The following ATG5 variants were observed in gnomAD, a reference collection of about 807,000 sequenced individuals.
ATG5 encodes the protein autophagy protein 5.
ATG5 carries 14 observed loss-of-function variants against 36.5 expected under a neutral mutation model. The observed-to-expected ratio is 0.38, with a 90% CI of 0.25 to 0.60. The LOEUF (loss-of-function observed/expected upper bound fraction) is 0.60. Among genes scored for constraint, ATG5 ranks in the 20% least tolerant of loss-of-function variants. The pLI is 0.60. For missense variants in ATG5, 195 were observed against 326.7 expected (o/e 0.60, Z 3.11); for synonymous variants, 95 against 101.5 (o/e 0.94, Z 0.38).
At chr6:106,272,766 G>A (rs1022225952) in intron 5 of ATG5, among the ~76,000 whole-genome samples, 3 of 152,272 alleles carry the variant, frequency 2.0e-5, no homozygotes, top group South Asian at 2.1e-4. Context: ...ACTACGGTCC[G>A]GGCATGATTC....
intron 6 of ATG5, among the ~76,000 whole-genome samples, chr6:106,222,151 G>C (rs181597003): frequency 3.3e-5 from 5 of 152,134 alleles, no homozygotes; most frequent in African/African-American, 1.2e-4. Context: ...AGGATTACAT[G>C]CGTGAGCCAC....
chr6:106,243,075 G>A (rs1001507183), intron 6 of ATG5, among the ~76,000 whole-genome samples: 7 of 152,070 alleles, frequency 4.6e-5, no homozygotes, highest in African/African-American at 1.7e-4. Context: ...TGACATCCTA[G>A]TTTCCATTTT....
intron 6 of ATG5, among the ~76,000 whole-genome samples, chr6:106,246,265 C>A (rs1778325335): frequency 6.6e-6 from 1 of 151,972 alleles, no homozygotes; most frequent in Admixed American, 6.6e-5. Flanking sequence ...TGCCGAGAGT[C>A]CCCATCTGGC....
At chr6:106,322,049 C>T (rs1406047150) in intron 1 of ATG5, among the ~76,000 whole-genome samples, 1 of 152,172 alleles carries the variant, frequency 6.6e-6, no homozygotes, top group Non-Finnish European at 1.5e-5. Flanking sequence ...CTCCTACATA[C>T]ACTACACCAT....
intron 5 of ATG5, among the ~76,000 whole-genome samples, chr6:106,262,026 C>A (rs1180748104): frequency 6.6e-6 from 1 of 152,192 alleles, no homozygotes; most frequent in Non-Finnish European, 1.5e-5. Context: ...TGAGTCAAAA[C>A]CTTCTGGAAG....
intron 3 of ATG5, among the ~76,000 whole-genome samples, chr6:106,296,725 G>C (rs1769957523): frequency 6.6e-6 from 1 of 152,216 alleles, no homozygotes; most frequent in Non-Finnish European, 1.5e-5. Context: ...GGCTGAGACA[G>C]GTGAATTACT....
chr6:106,211,099 C>T (rs915216380), intron 6 of ATG5, among the ~76,000 whole-genome samples: 1 of 152,048 alleles, frequency 6.6e-6, no homozygotes, highest in African/African-American at 2.4e-5. Context: ...TTAAAAATGA[C>T]CATTTATGGC....
At chr6:106,270,743 G>C (rs954153931) in intron 5 of ATG5, among the ~76,000 whole-genome samples, 1 of 152,104 alleles carries the variant, frequency 6.6e-6, no homozygotes, top group Non-Finnish European at 1.5e-5. Context: ...TAGCCTCCAA[G>C]ATGGCCTCTC....
intron 6 of ATG5, among the ~76,000 whole-genome samples, chr6:106,203,842 A>G (rs1160294728): frequency 6.6e-6 from 1 of 152,198 alleles, no homozygotes; most frequent in Non-Finnish European, 1.5e-5. Context: ...GGCATTAGCG[A>G]CAAGGTTTTG....
At chr6:106,306,429 T>C (rs1770449627) in intron 3 of ATG5, among the ~76,000 whole-genome samples, 1 of 152,224 alleles carries the variant, frequency 6.6e-6, no homozygotes, top group Non-Finnish European at 1.5e-5. Flanking sequence ...CGGTTCTGCC[T>C]CCATTCAGGG....
intron 4 of ATG5, among the ~76,000 whole-genome samples, chr6:106,284,558 T>C (rs1358421092): frequency 1.3e-5 from 2 of 152,092 alleles, no homozygotes; most frequent in Non-Finnish European, 2.9e-5. Flanking sequence ...TCTCGTTATG[T>C]TGACCACACT....
intron 6 of ATG5, among the ~76,000 whole-genome samples, chr6:106,225,484 A>T (rs1442825800): frequency 1.3e-5 from 2 of 151,270 alleles, no homozygotes; most frequent in Non-Finnish European, 2.9e-5. Context: ...TACATTTTTT[A>T]AAACTTTAAA....
chr6:106,207,434 C>T (rs1327714930), intron 6 of ATG5, among the ~76,000 whole-genome samples: 1 of 151,880 alleles, frequency 6.6e-6, no homozygotes, highest in East Asian at 1.9e-4. Context: ...TAAATGGTGG[C>T]TCATGCCTGT....
At chr6:106,228,527 T>C (rs1323849874) in intron 6 of ATG5, among the ~76,000 whole-genome samples, 1 of 152,098 alleles carries the variant, frequency 6.6e-6, no homozygotes, top group African/African-American at 2.4e-5. Context: ...ATTCCATTTA[T>C]TGGAATCCAT....
At chr6:106,300,113 C>G (rs955535842) in intron 3 of ATG5, among the ~76,000 whole-genome samples, 3 of 152,160 alleles carry the variant, frequency 2.0e-5, no homozygotes, top group African/African-American at 7.2e-5. Context: ...TATATAAAAT[C>G]TATGTAAGTC....
chr6:106,304,480 A>AT (rs1770354589), intron 3 of ATG5, among the ~76,000 whole-genome samples: 2 of 152,204 alleles, frequency 1.3e-5, no homozygotes, highest in South Asian at 4.1e-4. Flanking sequence ...ATACAGTGGG[A>AT]TACTCAGCAA....
At chr6:106,219,938 C>T (rs1338189293) in intron 6 of ATG5, among the ~76,000 whole-genome samples, 3 of 152,088 alleles carry the variant, frequency 2.0e-5, no homozygotes, top group African/African-American at 4.8e-5. Flanking sequence ...CATTGATAAG[C>T]GACCTCTACC....
chr6:106,233,392 A>C (rs1372399329), intron 6 of ATG5, among the ~76,000 whole-genome samples: 1 of 152,240 alleles, frequency 6.6e-6, no homozygotes, highest in Non-Finnish European at 1.5e-5. Context: ...TAAGATGGAC[A>C]CCTGAAGCAG....
intron 6 of ATG5, among the ~76,000 whole-genome samples, chr6:106,229,986 A>C (rs1009831709): frequency 6.6e-6 from 1 of 152,230 alleles, no homozygotes; most frequent in African/African-American, 2.4e-5. Context: ...TAATTCCCTT[A>C]ACCCTGCAGA....
Sources: allele counts gnomAD v4.1 joint callset (sites outside exome capture counted in the v4.1 genomes callset), GRCh38; gene constraint gnomAD v4.1.1; transcripts MANE v1.5; gene names NCBI Gene and HGNC (gene_info 2026-07-23, HGNC 2026-07-21).